Variants in PCDHGB3 observed in about 807,000 individuals in gnomAD.
PCDHGB3 encodes the protein protocadherin gamma subfamily B, 3, also known as protocadherin gamma-B3.
A neutral mutation model predicts 59.2 loss-of-function variants in PCDHGB3; 40 were observed. The ratio of observed to expected loss-of-function variants is 0.68; its 90% CI spans 0.52 to 0.88. The LOEUF (loss-of-function observed/expected upper bound fraction) is 0.88. Ranked by LOEUF, PCDHGB3 falls within the 40% of genes least tolerant of loss-of-function variation. The pLI is 0.00. For synonymous variants in PCDHGB3, 581 were observed against 503.6 expected, an observed-to-expected ratio of 1.15 and a Z score of -2.06; for missense variants, 1,309 against 1,187.9, an observed-to-expected ratio of 1.10 and a Z score of -1.50.
rs533920380 is a variant in PCDHGB3 at position 141,372,077 on chromosome 5, G to A, written c.1683G>A (p.Leu561=). The change falls in exon 1 of 4, where the codon CTG becomes CTA. Residue 561 remains leucine, a synonymous_variant. Coordinates refer to ENST00000576222, the MANE Select transcript of PCDHGB3 (RefSeq NM_018924.5). ...ACGACCGCAACGACAATGCACCGCTGGTGCTGTACCCAGCTCTGGGGCCCG... is the reference window on the plus strand; with the variant it reads ...ACGACCGCAACGACAATGCACCGCTAGTGCTGTACCCAGCTCTGGGGCCCG... The part of the protein sequence containing the change: ...LVDDRNDNAP[L]VLYPALGPEG... 1.4e-4 allele frequency: 223 copies of A among 1,613,592 alleles called. No homozygotes were observed. Among genetic ancestry groups the A allele is most frequent in the Non-Finnish European group, 1.8e-4 (218 of 1,179,888 alleles).
At chr5:141,405,667 G>A (rs911046478) in intron 1 of PCDHGB3, among the ~76,000 whole-genome samples, 10 of 152,044 alleles carry the variant, frequency 6.6e-5, no homozygotes, top group Non-Finnish European at 7.4e-5. Flanking sequence ...TAGTAGAGAC[G>A]GGGTGTCACC....
chr5:141,412,233 A>G (rs866840267), intron 1 of PCDHGB3: 4 of 152,256 alleles, frequency 2.6e-5, no homozygotes, highest in Admixed American at 6.5e-5. Context: ...TTAAAAACCT[A>G]TATCACTACA....
In PCDHGB3 at chr5:141,434,786, T is replaced by A. The variant is rs867453805; in HGVS notation, c.2416-60021T>A. ...TTCACACTTCTAAAAAAAAAAAAAT[T>A]TTTTTTTCTGAGCTTGGAGAAATAT... On this transcript the variant is annotated intron_variant, in intron 1 of 3. Coordinates refer to ENST00000576222, the MANE Select transcript of PCDHGB3 (RefSeq NM_018924.5). 6.8e-4 allele frequency among the ~76,000 whole-genome samples: 102 copies of A among 150,682 alleles called. 1 individual carries two copies. The highest frequency in any genetic ancestry group is 1.8e-3 in the African/African-American group (72 of 40,898).
chr5:141,491,006 T>C lies in PCDHGB3; in HGVS notation c.2416-3801T>C. The C allele has an allele frequency of 6.2e-7, 1 of 1,614,062 alleles. No homozygotes were observed. Among genetic ancestry groups the C allele is most frequent in the Non-Finnish European group, 8.5e-7 (1 of 1,180,028 alleles). ...CGCTCTGCTCCTCCTGGCTCCTTGG[T>C]CACCAAGGTGACAGCCGTGGATGCT... On this transcript the variant is annotated intron_variant, in intron 1 of 3. Transcript: ENST00000576222. This position sits in a 1 kb window ranked among gnomAD's most constrained non-coding sequence, Gnocchi z 6.9.
Position 141,491,992 on chromosome 5 carries a change from T to G in PCDHGB3, c.2416-2815T>G. ...GGCCTCCTTCGAGCTTCCGGTGAAT[T>G]TCGGGCGATTTCCGCGGGTGTCGGG... On this transcript the variant is annotated intron_variant, in intron 1 of 3. Transcript: ENST00000576222. This position sits in a 1 kb window ranked among gnomAD's most constrained non-coding sequence, Gnocchi z 6.9. The G allele has an allele frequency of 1.5e-6, 1 of 684,982 alleles. No homozygotes were observed. The highest frequency in any genetic ancestry group is 2.3e-6 in the Non-Finnish European group (1 of 443,370). The allele number at this position is 684,982 out of a possible 1,614,324, so 42.4% of individuals were successfully genotyped here.
Position 141,421,056 on chromosome 5 carries a change from A to G in PCDHGB3, c.2415+48247A>G, listed in dbSNP as rs1378326708. On this transcript the variant is annotated intron_variant, in intron 1 of 3. Coordinates refer to ENST00000576222, the MANE Select transcript of PCDHGB3 (RefSeq NM_018924.5). ...TCCCTCCCTCCCCCGCCTCTACCACACAAAGCGGAATGAGATGGATACTCA... is the reference window on the plus strand; with the variant it reads ...TCCCTCCCTCCCCCGCCTCTACCACGCAAAGCGGAATGAGATGGATACTCA... 5 of 576,490 alleles carry G rather than the reference A, an allele frequency of 8.7e-6. No individual in the cohort carries two copies. In the East Asian group the frequency reaches 9.2e-5, roughly 11 times the overall value. The allele number at this position is 576,490 out of a possible 1,614,324, so 35.7% of individuals were successfully genotyped here. A position where few individuals can be genotyped will look rare whatever the true frequency, so the allele number is the denominator to read the frequency against.
chr5:141,480,710 T>C (rs1174000425), intron 1 of PCDHGB3, among the ~76,000 whole-genome samples: 1 of 152,042 alleles, frequency 6.6e-6, no homozygotes, highest in East Asian at 1.9e-4. Context: ...CCCCGACAAA[T>C]GAAAGCACAG....
rs1488506612 is a variant in PCDHGB3 at position 141,395,336 on chromosome 5, T to G, written c.2415+22527T>G. ...TTGTGAAGATAGTTGAAAATAATTTTTAAGGTGTATCACAGAGTTTTGGGT... is the reference window on the plus strand; with the variant it reads ...TTGTGAAGATAGTTGAAAATAATTTGTAAGGTGTATCACAGAGTTTTGGGT... On this transcript the variant is annotated intron_variant, in intron 1 of 3. Coordinates refer to ENST00000576222, the MANE Select transcript of PCDHGB3 (RefSeq NM_018924.5). 5 of 1,435,024 alleles carry G rather than the reference T, an allele frequency of 3.5e-6. No homozygotes were observed. In the African/African-American group the frequency reaches 4.3e-5, roughly 12 times the overall value. The allele number at this position is 1,435,024 out of a possible 1,614,324, so 88.9% of individuals were successfully genotyped here. A position where few individuals can be genotyped will look rare whatever the true frequency, so the allele number is the denominator to read the frequency against.
At chr5:141,399,363 G>A (rs773376480) in intron 1 of PCDHGB3, 5 of 1,613,910 alleles carry the variant, frequency 3.1e-6, no homozygotes, top group Non-Finnish European at 3.4e-6. Flanking sequence ...AGCAAACCCC[G>A]GAGTACAATG....
rs9324852 is a variant in PCDHGB3, at chr5:141,510,333, C to T, written c.2564-614C>T. On this transcript the variant is annotated intron_variant, in intron 3 of 3. Coordinates refer to ENST00000576222, the MANE Select transcript of PCDHGB3 (RefSeq NM_018924.5). ...AGGCTTGGAAGAGCACTCTTCACCC[C>T]CACCCCACACACTTACTAACGGAAC... Among the ~76,000 whole-genome samples the T allele has an allele frequency of 2.4e-3, 367 of 151,698 alleles. 1 individual carries two copies. Among genetic ancestry groups the T allele is most frequent in the African/African-American group, 8.4e-3 (348 of 41,384 alleles).
chr5:141,395,380 T>A, intron 1 of PCDHGB3: 2 of 1,112,040 alleles, frequency 1.8e-6, no homozygotes, highest in Non-Finnish European at 2.5e-6. Flanking sequence ...GTGGTGTTAC[T>A]ATAAAATTGA....
intron 1 of PCDHGB3, among the ~76,000 whole-genome samples, chr5:141,454,239 A>T (rs1221886368): frequency 6.6e-6 from 1 of 152,200 alleles, no homozygotes; most frequent in Non-Finnish European, 1.5e-5. Context: ...GATGAAAAGG[A>T]TGAAGATGTC....
Position 141,485,804 on chromosome 5 carries a change from G to A in PCDHGB3, c.2416-9003G>A. 6.2e-7 allele frequency: 1 copy of A among 1,614,218 alleles called. No individual in the cohort carries two copies. On this transcript the variant is annotated intron_variant, in intron 1 of 3. Coordinates refer to ENST00000576222, the MANE Select transcript of PCDHGB3 (RefSeq NM_018924.5). This position sits in a 1 kb window ranked among gnomAD's most constrained non-coding sequence, Gnocchi z 5.7. The stretch of plus-strand genomic sequence containing the variant: ...AGAGAAGCAATCGGACTACCGCCTG[G>A]TGCTGACTGCTGTCGATGGAGGGAA...
chr5:141,376,908 C>T, intron 1 of PCDHGB3: 1 of 187,054 alleles, frequency 5.3e-6, no homozygotes, highest in Non-Finnish European at 1.1e-5. Flanking sequence ...AGGATGGTCT[C>T]GATCTCCTGA....
chr5:141,460,669 TTATATATC>T (rs1176483278), intron 1 of PCDHGB3, among the ~76,000 whole-genome samples: 1 of 152,032 alleles, frequency 6.6e-6, no homozygotes, highest in African/African-American at 2.4e-5. Flanking sequence ...GTAAACACAG[TTATATATC>T]TATATATCCA....
intron 1 of PCDHGB3, chr5:141,384,866 C>T: frequency 6.2e-7 from 1 of 1,613,720 alleles, no homozygotes; most frequent in African/African-American, 1.3e-5. Flanking sequence ...CCTCTGTCAG[C>T]CACCGTCACA....
chr5:141,378,013 A>G (rs2150121328), intron 1 of PCDHGB3: 1 of 152,212 alleles, frequency 6.6e-6, no homozygotes, highest in East Asian at 1.9e-4. Context: ...AATAAGCTCT[A>G]CTTATATTAT....
Position 141,476,788 on chromosome 5 carries a change from C to G in PCDHGB3, c.2416-18019C>G. 1 of 1,613,478 alleles carries G rather than the reference C, an allele frequency of 6.2e-7. No homozygotes were observed. Among genetic ancestry groups the G allele is most frequent in the Non-Finnish European group, 8.5e-7 (1 of 1,180,032 alleles). ...CGTTGGACGGAGGGACCCCAGCTCT[C>G]TCCGCCAGCCTGCCTATTCACATCA... On this transcript the variant is annotated intron_variant, in intron 1 of 3. Coordinates refer to ENST00000576222, the MANE Select transcript of PCDHGB3 (RefSeq NM_018924.5). This position sits in a 1 kb window ranked among gnomAD's most constrained non-coding sequence, Gnocchi z 7.6.
rs376937850 is a variant in PCDHGB3 at position 141,491,097 on chromosome 5, C to T, written c.2416-3710C>T. The T allele has an allele frequency of 1.2e-6, 2 of 1,614,170 alleles. No homozygotes were observed. Among genetic ancestry groups the T allele is most frequent in the Non-Finnish European group, 1.7e-6 (2 of 1,180,018 alleles). On this transcript the variant is annotated intron_variant, in intron 1 of 3. Coordinates refer to ENST00000576222, the MANE Select transcript of PCDHGB3 (RefSeq NM_018924.5). The surrounding 1 kb of genome is among the most constrained non-coding windows in gnomAD (Gnocchi z 6.9). ...CACAGTCCACAGCCCCAGGACTGTT[C>T]CTCGTGTCTACACACACTGGTGAGG...
Sources: gnomAD v4.1 joint callset for allele counts (sites outside exome capture counted in the v4.1 genomes callset) on GRCh38, gnomAD v4.1.1 for gene constraint, Gnocchi (gnomAD v3.1) non-coding constraint, MANE v1.5 for transcripts, NCBI Gene and HGNC (gene_info 2026-07-23, HGNC 2026-07-21) for gene names.